HLTF: variants seen among roughly 807,000 people sequenced by gnomAD.
HLTF encodes DNA-dependent ATPase/E3 ubiquitin-protein ligase HLTF.
A neutral mutation model predicts 129.4 loss-of-function variants in HLTF; 127 were observed. That is an observed-to-expected ratio of 0.98 (90% CI 0.85 to 1.14). HLTF has a LOEUF of 1.14. HLTF is among the 50% of genes most tolerant of loss of function. The pLI, the probability that HLTF is intolerant of heterozygous loss-of-function variation, is 0.00. For missense variants in HLTF, 1,139 were observed against 1,187.1 expected, an observed-to-expected ratio of 0.96 and a Z score of 0.60; for synonymous variants, 332 against 388.8, an observed-to-expected ratio of 0.85 and a Z score of 1.72.
At position 149,030,947 on chromosome 3, in the gene HLTF, C is replaced by CT. The variant is rs1714965232; in HGVS notation, c.*1272dup. On this transcript the variant is annotated 3_prime_UTR_variant, in exon 25 of 25. Coordinates refer to ENST00000310053, the MANE Select transcript of HLTF (RefSeq NM_003071.4). ...TTTCTATCAAATGACTTCCAACACT[C>CT]TTAAGTCTCAGGTATTCTTAAATCT... is the stretch of plus-strand genomic sequence containing the variant. 6.6e-6 allele frequency: 1 copy of CT among 152,192 alleles called. No homozygotes were observed. Among genetic ancestry groups the CT allele is most frequent in the Non-Finnish European group, 1.5e-5 (1 of 68,024 alleles). 9.4% of individuals were successfully genotyped at this position (152,192 alleles called of 1,614,324 possible).
At chr3:149,084,489 T>G (rs1013910566) in intron 2 of HLTF, among the ~76,000 whole-genome samples, 193 bp downstream of exon 2, 2 of 152,180 alleles carry the variant, frequency 1.3e-5, no homozygotes, top group African/African-American at 4.8e-5. Flanking sequence ...ATTGGCTCAT[T>G]CCTGTAATCC....
intron 2 of HLTF, among the ~76,000 whole-genome samples, chr3:149,082,691 TTAAAA>T (rs1274489257): frequency 6.6e-6 from 1 of 152,064 alleles, no homozygotes; most frequent in Non-Finnish European, 1.5e-5. Flanking sequence ...AGAAAAAAAA[TTAAAA>T]TAACAAGTAT....
chr3:149,066,395 A>G (rs1718386265), intron 8 of HLTF, among the ~76,000 whole-genome samples: 2 of 152,304 alleles, frequency 1.3e-5, no homozygotes, highest in South Asian at 4.1e-4. Context: ...CTTTTTCTCT[A>G]TAAAGTTCAA....
chr3:149,040,500 C>G (rs1716036955), intron 20 of HLTF, among the ~76,000 whole-genome samples: 1 of 151,576 alleles, frequency 6.6e-6, no homozygotes, highest in African/African-American at 2.4e-5. Context: ...CTATTTAGTA[C>G]TATTCTTTAA....
At chr3:149,069,858 T>G (rs4681480) in intron 7 of HLTF, among the ~76,000 whole-genome samples, 41,271 of 152,116 alleles carry the variant, frequency 0.27, 5,526 homozygotes, top group East Asian at 0.32. Flanking sequence ...AAGTTGTGTG[T>G]GACACTATGA....
chr3:149,044,849 T>C lies in HLTF; in HGVS notation c.2072+1231A>G, dbSNP rs140966154. 6.4e-4 allele frequency among the ~76,000 whole-genome samples: 98 copies of C among 152,196 alleles called. 2 individuals carry two copies. The East Asian group carries it at 0.017, about 27-fold the overall frequency. On this transcript the variant is annotated intron_variant, in intron 18 of 24. Transcript: ENST00000310053. The stretch of plus-strand genomic sequence containing the variant: ...TCACAATTTAACAGAATCTAATCAT[T>C]TCTCACTCCCTTTATCACTACTATG...
intron 1 of HLTF, among the ~76,000 whole-genome samples, chr3:149,085,506 A>T (rs1342372207): frequency 6.6e-6 from 1 of 152,256 alleles, no homozygotes; most frequent in African/African-American, 2.4e-5. Flanking sequence ...TAATTTAAAA[A>T]ATGAAATCAT....
chr3:149,036,493 T>A (rs1715645173), intron 23 of HLTF, among the ~76,000 whole-genome samples: 1 of 152,022 alleles, frequency 6.6e-6, no homozygotes. Flanking sequence ...TTCACCATGT[T>A]GGCCAAGATG....
chr3:149,050,746 A>G (rs1716915701), intron 14 of HLTF, among the ~76,000 whole-genome samples: 1 of 152,138 alleles, frequency 6.6e-6, no homozygotes. Flanking sequence ...ACAACAACCA[A>G]TATTTCCAAG....
intron 19 of HLTF, 87 bp downstream of exon 19, chr3:149,042,077 CTA>C (rs1716174245): frequency 8.7e-7 from 1 of 1,154,222 alleles, no homozygotes; most frequent in Non-Finnish European, 1.3e-6. Flanking sequence ...ACAAAATAAA[CTA>C]AATGTATGCC....
Position 149,086,048 on chromosome 3 carries a change from G to A in HLTF, c.20+269C>T, listed in dbSNP as rs540108567. 5.5e-4 allele frequency among the ~76,000 whole-genome samples: 83 copies of A among 152,182 alleles called. 1 individual carries two copies. The highest frequency in any genetic ancestry group is 1.8e-3 in the African/African-American group (75 of 41,522). The stretch of plus-strand genomic sequence containing the variant: ...TCTAATGGATGTTTTGTTAAATAAA[G>A]CACTGGCCGAGATGCTTTAAGCCCC... On this transcript the variant is annotated intron_variant, in intron 1 of 24. Coordinates refer to ENST00000310053, the MANE Select transcript of HLTF (RefSeq NM_003071.4).
intron 11 of HLTF, 36 bp downstream of exon 11, chr3:149,060,743 A>G: frequency 3.1e-6 from 5 of 1,602,722 alleles, no homozygotes; most frequent in Non-Finnish European, 4.3e-6. Flanking sequence ...ATTAGAATAT[A>G]GGACACATTA....
rs188185794 is a variant in HLTF, at chr3:149,058,309, C to T, written c.1375+1409G>A. 7.8e-4 allele frequency among the ~76,000 whole-genome samples: 118 copies of T among 152,226 alleles called. 1 individual carries two copies. The highest frequency in any genetic ancestry group is 2.7e-3 in the African/African-American group (112 of 41,546). On this transcript the variant is annotated intron_variant, in intron 13 of 24. Transcript: ENST00000310053. ...CCCCTGATCTTGAACTCATGGGCCT[C>T]GGCCTCCCAAAGTGCTGCAATTTCA...
At chr3:149,068,187 G>A in intron 8 of HLTF, 53 bp downstream of exon 8, 2 of 731,966 alleles carry the variant, frequency 2.7e-6, no homozygotes, top group Non-Finnish European at 4.6e-6. Flanking sequence ...GAAATTTAAA[G>A]ATTTCACAAT....
At chr3:149,078,138 AAAT>A (rs1719542591) in intron 2 of HLTF, among the ~76,000 whole-genome samples, 1 of 152,230 alleles carries the variant, frequency 6.6e-6, no homozygotes, top group South Asian at 2.1e-4. Flanking sequence ...CATGCAAAAA[AAAT>A]AAGAAAGTAT....
At position 149,084,779 on chromosome 3, in the gene HLTF, G is replaced by T; in HGVS notation, c.131C>A (p.Pro44His). 6.2e-7 allele frequency: 1 copy of T among 1,614,018 alleles called. No homozygotes were observed. The highest frequency in any genetic ancestry group is 8.5e-7 in the Non-Finnish European group (1 of 1,179,930). Reference protein sequence around the residue: ...FPRFEFQDVIPPDDFLTSDEE... With the variant: ...FPRFEFQDVIHPDDFLTSDEE... The stretch of plus-strand genomic sequence containing the variant: ...ATCACTAGTTAGAAAGTCATCTGGA[G>T]GGATAACATCTTGGAATTCAAAACG... Residue 44 changes from proline (P) to histidine (H), a missense_variant, in exon 2 of 25, where the codon CCT becomes CAT. By Grantham distance (77) the Pro-to-His change is moderately conservative. Coordinates refer to ENST00000310053, the MANE Select transcript of HLTF (RefSeq NM_003071.4).
intron 20 of HLTF, 91 bp from the exon 21 acceptor site, chr3:149,040,247 T>C: frequency 9.3e-7 from 1 of 1,071,470 alleles, no homozygotes; most frequent in Non-Finnish European, 1.4e-6. Flanking sequence ...CTAAAATCTG[T>C]ATCTCTCATA....
chr3:149,059,677 GAAAA>G (rs535591337), intron 13 of HLTF, 37 bp downstream of exon 13: 22 of 1,266,204 alleles, frequency 1.7e-5, no homozygotes, highest in Non-Finnish European at 2.3e-5. Flanking sequence ...TTCAAAAACA[GAAAA>G]AAAACCAAAA....
At chr3:149,040,236 G>A in intron 20 of HLTF, 80 bp from the exon 21 acceptor site, 1 of 1,220,186 alleles carries the variant, frequency 8.2e-7, no homozygotes, top group Non-Finnish European at 1.2e-6. Context: ...TTAAATGTAT[G>A]CTAAAATCTG....
Sources: allele counts gnomAD v4.1 joint callset (sites outside exome capture counted in the v4.1 genomes callset), GRCh38; gene constraint gnomAD v4.1.1; transcripts MANE v1.5; gene names NCBI Gene and HGNC (gene_info 2026-07-23, HGNC 2026-07-21).